The following LRP5 variants were observed in gnomAD, a reference collection of about 807,000 sequenced individuals.
LRP5 encodes low-density lipoprotein receptor-related protein 5.
Under a neutral mutation model 154.1 loss-of-function variants are expected in LRP5, and 62 were observed. That is an observed-to-expected ratio of 0.40 (90% confidence interval 0.33 to 0.50). LRP5 has a LOEUF of 0.50. LRP5 is among the 20% of genes least tolerant of loss of function. The probability of loss-of-function intolerance (pLI) is 0.55; values close to 1 mark genes in which losing one functional copy is unlikely to be tolerated. For synonymous variants in LRP5, 966 were observed against 1,011.5 expected (o/e 0.96, Z 0.85); for missense variants, 1,915 against 2,336.7 (o/e 0.82, Z 3.72).
chr11:68,352,595 G>A (rs2098619624), intron 2 of LRP5, among the ~76,000 whole-genome samples: 1 of 152,102 alleles, frequency 6.6e-6, no homozygotes, highest in Non-Finnish European at 1.5e-5. Flanking sequence ...GCTCAGTTGG[G>A]AGGTGCTAGG....
At chr11:68,318,154 A>G (rs1346955549) in intron 1 of LRP5, among the ~76,000 whole-genome samples, 1 of 151,224 alleles carries the variant, frequency 6.6e-6, no homozygotes, top group Non-Finnish European at 1.5e-5. Context: ...TCCCAGGGTC[A>G]CGCCTTTCTC....
intron 17 of LRP5, among the ~76,000 whole-genome samples, chr11:68,430,076 A>G (rs79359533): frequency 6.6e-6 from 1 of 152,230 alleles, no homozygotes; most frequent in East Asian, 1.9e-4. Context: ...ATTCTACTGT[A>G]GTCTGAGAGC....
At chr11:68,395,145 A>G (rs1397576676) in intron 7 of LRP5, among the ~76,000 whole-genome samples, 2 of 152,012 alleles carry the variant, frequency 1.3e-5, no homozygotes, top group Non-Finnish European at 1.5e-5. Context: ...TACTAAATAT[A>G]CAAAAATTAG....
upstream of LRP5, among the ~76,000 whole-genome samples, chr11:68,310,212 G>A (rs1161767616): frequency 6.6e-6 from 1 of 152,160 alleles, no homozygotes; most frequent in Non-Finnish European, 1.5e-5. Context: ...TTCAACAGGG[G>A]TCCTCAGGCC....
In LRP5 at chr11:68,364,322, G is replaced by GTA. The variant is rs147870595; in HGVS notation, c.883+391_883+392dup. Reference sequence around the variant, plus strand: ...TTTATATACACATACACGTATGTGTGTATATATATATATGGTTATTTATAT... The same window carrying GTA: ...TTTATATACACATACACGTATGTGTGTATATATATATATATGGTTATTTATAT... On this transcript the variant is annotated intron_variant, in intron 4 of 22. Coordinates refer to ENST00000294304, the MANE Select transcript of LRP5 (RefSeq NM_002335.4). Among the ~76,000 whole-genome samples the GTA allele has an allele frequency of 7.8e-3, 1,175 of 150,636 alleles. 6 individuals are homozygous for GTA. The highest frequency in any genetic ancestry group is 0.011 in the Non-Finnish European group (760 of 67,604).
chr11:68,359,235 A>G (rs1385786712), intron 3 of LRP5, among the ~76,000 whole-genome samples: 3 of 152,142 alleles, frequency 2.0e-5, no homozygotes, highest in Non-Finnish European at 4.4e-5. Context: ...AGTCATCTGA[A>G]GGTTTGAGTG....
rs1665093088 is a variant in LRP5 at position 68,386,435 on chromosome 11, G to A, written c.1135G>A (p.Asp379Asn). 3 of 1,614,080 alleles carry A rather than the reference G, an allele frequency of 1.9e-6. No homozygotes were observed. The highest frequency in any genetic ancestry group is 1.1e-5 in the South Asian group (1 of 91,078). Residue 379 changes from aspartate (D) to asparagine (N), a missense_variant, in exon 6 of 23, where the codon GAC (aspartate) becomes AAC (asparagine). Physicochemically the swap from Asp to Asn is conservative, Grantham distance 23. This residue lies in a region of LRP5 where 773 missense variants were observed against 1,100.9 expected (regional missense o/e 0.70). Transcript: ENST00000294304. This position sits in a 1 kb window ranked among gnomAD's most constrained non-coding sequence, Gnocchi z 7.9. ...CGACATCCGGCACGCCATTGCCATC[G>A]ACTACGACCCGCTAGAGGGCTATGT... The part of the protein sequence containing the change: ...VDDIRHAIAI[D>N]YDPLEGYVYW...
chr11:68,413,380 C>A lies in LRP5; in HGVS notation c.2504-309C>A, dbSNP rs745375401. 5.9e-5 allele frequency among the ~76,000 whole-genome samples: 9 copies of A among 152,306 alleles called. No individual in the cohort carries two copies. The South Asian group carries it at 1.4e-3, about 25-fold the overall frequency. ...TAACATGGAAGGCCTGGTCTCATTG[C>A]TGTGGGAGTGAAGGATGCACAGCCA... is the stretch of plus-strand genomic sequence containing the variant. On this transcript the variant is annotated intron_variant, in intron 11 of 22. Coordinates refer to ENST00000294304, the MANE Select transcript of LRP5 (RefSeq NM_002335.4). The surrounding 1 kb of genome is among the most constrained non-coding windows in gnomAD (Gnocchi z 5.1).
chr11:68,341,785 G>GC (rs1005137446), intron 1 of LRP5, among the ~76,000 whole-genome samples: 8 of 151,908 alleles, frequency 5.3e-5, no homozygotes, highest in African/African-American at 1.9e-4. Flanking sequence ...GTAGCATGCA[G>GC]CCCCCCGACC....
At chr11:68,325,575 C>T (rs745347712) in intron 1 of LRP5, among the ~76,000 whole-genome samples, 25 of 152,172 alleles carry the variant, frequency 1.6e-4, no homozygotes, top group Admixed American at 8.5e-4. Flanking sequence ...TTCGGACACC[C>T]GAGGTATTCC....
intron 1 of LRP5, among the ~76,000 whole-genome samples, chr11:68,322,020 G>T (rs1159259322): frequency 3.9e-5 from 6 of 152,246 alleles, no homozygotes; most frequent in Non-Finnish European, 7.3e-5. Flanking sequence ...CACTGTACGA[G>T]ATAGTTTTGG....
chr11:68,435,319 G>T (rs1190246611), intron 18 of LRP5, among the ~76,000 whole-genome samples: 1 of 152,200 alleles, frequency 6.6e-6, no homozygotes, highest in Non-Finnish European at 1.5e-5. Flanking sequence ...ACCTGAGGCC[G>T]GGTAGATTAT....
chr11:68,433,732 C>T lies in LRP5; in HGVS notation c.3894C>T (p.Cys1298=), dbSNP rs1028815786. 6.2e-7 allele frequency: 1 copy of T among 1,612,850 alleles called. No individual in the cohort carries two copies. The highest frequency in any genetic ancestry group is 8.5e-7 in the Non-Finnish European group (1 of 1,179,914). ...GCGACGAGGAGGGCTGCCCCGTGTG[C>T]TCCGCCGCCCAGTTCCCCTGCGCGC... ...DQSDEEGCPV[C]SAAQFPCARG... The change falls in exon 18 of 23, where the codon TGC becomes TGT. Residue 1298 remains cysteine (C), a synonymous_variant. Coordinates refer to ENST00000294304, the MANE Select transcript of LRP5 (RefSeq NM_002335.4).
intron 18 of LRP5, 32 bp from the exon 19 acceptor site, chr11:68,436,857 A>G: frequency 6.4e-7 from 1 of 1,561,112 alleles, no homozygotes; most frequent in Non-Finnish European, 8.8e-7. Context: ...GGCACCCTCC[A>G]GCCTCTCTGA....
intron 5 of LRP5, among the ~76,000 whole-genome samples, chr11:68,373,338 C>T (rs745735655): frequency 3.3e-5 from 5 of 152,128 alleles, no homozygotes; most frequent in South Asian, 2.1e-4. Context: ...CAGGGAGCAG[C>T]GTTCCCAGGG....
chr11:68,374,904 T>C (rs112496601), intron 5 of LRP5, among the ~76,000 whole-genome samples: 4 of 152,270 alleles, frequency 2.6e-5, no homozygotes, highest in African/African-American at 9.6e-5. Flanking sequence ...CTGGGATGGG[T>C]GAATGCTGTG....
Position 68,347,937 on chromosome 11 carries a change from G to A in LRP5, c.182G>A (p.Gly61Asp), listed in dbSNP as rs1368857613. 2 of 1,613,954 alleles carry A rather than the reference G, an allele frequency of 1.2e-6. No homozygotes were observed. Among genetic ancestry groups the A allele is most frequent in the Non-Finnish European group, 1.7e-6 (2 of 1,180,044 alleles). The change falls in exon 2 of 23, where the codon GGC becomes GAC. Residue 61 changes from glycine (G) to aspartate (D), a missense_variant. Around this residue, in one of 3 missense-constraint regions of LRP5, gnomAD observed 773 missense variants for 1,100.9 expected, o/e 0.70. Coordinates refer to ENST00000294304, the MANE Select transcript of LRP5 (RefSeq NM_002335.4). ...VKLESTIVVS[G>D]LEDAAAVDFQ... ...CTGGAGTCCACCATCGTGGTCAGCG[G>A]CCTGGAGGATGCGGCCGCAGTGGAC...
rs202149761 is a variant in LRP5 at position 68,386,723 on chromosome 11, C to G, written c.1412+11C>G. 14 of 1,609,374 alleles carry G rather than the reference C, an allele frequency of 8.7e-6. No homozygotes were observed. The highest frequency in any genetic ancestry group is 1.3e-5 in the African/African-American group (1 of 74,894). On this transcript the variant is annotated intron_variant, in intron 6 of 22. Coordinates refer to ENST00000294304, the MANE Select transcript of LRP5 (RefSeq NM_002335.4). The surrounding 1 kb of genome is among the most constrained non-coding windows in gnomAD (Gnocchi z 7.9). The stretch of plus-strand genomic sequence containing the variant: ...GCACCCCGTGATGGGGTAAGACGGG[C>G]GGGGGCTGGGGCCTGGAGCCAGGGC...
In LRP5 at chr11:68,449,108, A is replaced by C. The variant is rs766714137; in HGVS notation, c.*38A>C. 17 of 1,451,928 alleles carry C rather than the reference A, an allele frequency of 1.2e-5. No individual in the cohort carries two copies. In the African/African-American group the frequency reaches 1.8e-4, roughly 16 times the overall value. 89.9% of individuals were successfully genotyped at this position (1,451,928 alleles called of 1,614,324 possible). ...CACTCTGGCTTCTCTGTGCCCCTGT[A>C]AATAGTTTTAAATATGAACAAAGAA... On this transcript the variant is annotated 3_prime_UTR_variant, in exon 23 of 23. Transcript: ENST00000294304.
Sources: gnomAD v4.1 joint callset for allele counts (sites outside exome capture counted in the v4.1 genomes callset) on GRCh38, gnomAD v4.1.1 for gene constraint, gnomAD v4.1.1 regional missense constraint, Gnocchi (gnomAD v3.1) non-coding constraint, MANE v1.5 for transcripts, NCBI Gene and HGNC (gene_info 2026-07-23, HGNC 2026-07-21) for gene names.